CACNA2D1: variants seen among roughly 807,000 people sequenced by gnomAD.
CACNA2D1 encodes the protein voltage-dependent calcium channel subunit alpha-2/delta-1.
A neutral mutation model predicts 171.5 loss-of-function variants in CACNA2D1; 53 were observed. The ratio of observed to expected loss-of-function variants is 0.31; its 90% CI spans 0.25 to 0.39. The LOEUF (loss-of-function observed/expected upper bound fraction) is 0.39. Ranked by LOEUF, CACNA2D1 falls within the 10% of genes least tolerant of loss-of-function variation. The pLI is 1.00. For synonymous variants in CACNA2D1, 442 were observed against 443.1 expected, an observed-to-expected ratio of 1.00 and a Z score of 0.03; for missense variants, 903 against 1,299.8, an observed-to-expected ratio of 0.69 and a Z score of 4.69.
chr7:82,133,519 G>A (rs1013825590), intron 5 of CACNA2D1, among the ~76,000 whole-genome samples: 5 of 152,066 alleles, frequency 3.3e-5, no homozygotes, highest in South Asian at 4.1e-4. Flanking sequence ...AAGTGATATC[G>A]CACTATGTAT....
chr7:82,019,522 A>G (rs1158473548), intron 12 of CACNA2D1, among the ~76,000 whole-genome samples: 2 of 152,176 alleles, frequency 1.3e-5, no homozygotes, highest in Admixed American at 6.5e-5. Flanking sequence ...GGCTATTTAC[A>G]ATGTATTACT....
At chr7:82,237,703 A>C (rs1278187995) in intron 3 of CACNA2D1, among the ~76,000 whole-genome samples, 1 of 152,000 alleles carries the variant, frequency 6.6e-6, no homozygotes, top group Admixed American at 6.6e-5. Context: ...TCAATATGCT[A>C]TAACCTATAA....
intron 27 of CACNA2D1, among the ~76,000 whole-genome samples, chr7:81,970,370 G>T: frequency 6.6e-6 from 1 of 151,330 alleles, no homozygotes; most frequent in East Asian, 1.9e-4. Flanking sequence ...TTGCTGATTG[G>T]TTATAATCAT....
At chr7:82,025,405 T>G (rs10275156) in intron 12 of CACNA2D1, among the ~76,000 whole-genome samples, 5 of 151,482 alleles carry the variant, frequency 3.3e-5, no homozygotes, top group Non-Finnish European at 7.4e-5. Flanking sequence ...GTATTCTTTT[T>G]GGGTCTATTG....
rs562593647 is a variant in CACNA2D1, at chr7:82,328,159, C to G, written c.294+6976G>C. On this transcript the variant is annotated intron_variant, in intron 3 of 38. Transcript: ENST00000356860. The stretch of plus-strand genomic sequence containing the variant: ...TCAAATCCAAATAAATAAAAGTAAT[C>G]TCAATTTTGCAAAACAATTAGTGGA... Among the ~76,000 whole-genome samples, 4 of 152,260 alleles carry G rather than the reference C, an allele frequency of 2.6e-5. No individual in the cohort carries two copies. The East Asian group carries it at 7.7e-4, about 29-fold the overall frequency.
At chr7:82,264,296 T>TC (rs1410830421) in intron 3 of CACNA2D1, among the ~76,000 whole-genome samples, 1 of 152,212 alleles carries the variant, frequency 6.6e-6, no homozygotes, top group Non-Finnish European at 1.5e-5. Context: ...TATTCAATAT[T>TC]AATGAATTAT....
rs1475303405 is a variant in CACNA2D1, at chr7:82,434,889, G to A, written c.95+8476C>T. On this transcript the variant is annotated intron_variant, in intron 1 of 38. Coordinates refer to ENST00000356860, the MANE Select transcript of CACNA2D1 (RefSeq NM_000722.4). ...TTTGACCTCTCCACAAAATGAAACTGTAAATCAAGGCCCTTCTTTTGAAAC... is the reference window on the plus strand; with the variant it reads ...TTTGACCTCTCCACAAAATGAAACTATAAATCAAGGCCCTTCTTTTGAAAC... Among the ~76,000 whole-genome samples, 5 of 151,958 alleles carry A rather than the reference G, an allele frequency of 3.3e-5. No individual in the cohort carries two copies. The East Asian group carries it at 9.7e-4, about 29-fold the overall frequency.
chr7:82,141,034 A>G (rs1279959312), intron 4 of CACNA2D1, among the ~76,000 whole-genome samples: 1 of 151,684 alleles, frequency 6.6e-6, no homozygotes, highest in African/African-American at 2.4e-5. Flanking sequence ...TATTTGGCTC[A>G]GAAACAATTT....
chr7:82,031,543 TTACATTAAA>T (rs1203845166), intron 12 of CACNA2D1, among the ~76,000 whole-genome samples: 2 of 151,932 alleles, frequency 1.3e-5, no homozygotes, highest in Non-Finnish European at 2.9e-5. Context: ...CCCTTAAACC[TTACATTAAA>T]CTGTATGACA....
At chr7:82,438,185 A>G (rs944840967) in intron 1 of CACNA2D1, among the ~76,000 whole-genome samples, 5 of 152,136 alleles carry the variant, frequency 3.3e-5, no homozygotes, top group African/African-American at 1.2e-4. Flanking sequence ...GGTGTTATTA[A>G]GTTAGATTTA....
chr7:82,294,084 T>C (rs1196307015), intron 3 of CACNA2D1, among the ~76,000 whole-genome samples: 1 of 152,156 alleles, frequency 6.6e-6, no homozygotes, highest in African/African-American at 2.4e-5. Flanking sequence ...AATGGGGCAT[T>C]TGAAAGAAAA....
chr7:82,148,541 C>T (rs1793418424), intron 4 of CACNA2D1, among the ~76,000 whole-genome samples: 1 of 152,176 alleles, frequency 6.6e-6, no homozygotes, highest in South Asian at 2.1e-4. Context: ...GGAATAAAGA[C>T]TTTTCATTAT....
chr7:82,431,188 A>AGACCTGC (rs1415395760), intron 1 of CACNA2D1, among the ~76,000 whole-genome samples: 1 of 152,164 alleles, frequency 6.6e-6, no homozygotes, highest in Non-Finnish European at 1.5e-5. Context: ...GACATTTTTA[A>AGACCTGC]GACCTGCTAA....
intron 4 of CACNA2D1, among the ~76,000 whole-genome samples, chr7:82,141,146 A>G (rs1237604334): frequency 6.6e-6 from 1 of 152,080 alleles, no homozygotes; most frequent in Non-Finnish European, 1.5e-5. Flanking sequence ...ATATATATTA[A>G]GATATGTCCA....
intron 3 of CACNA2D1, among the ~76,000 whole-genome samples, chr7:82,204,828 G>A (rs1357397195): frequency 6.6e-6 from 1 of 152,134 alleles, no homozygotes; most frequent in Non-Finnish European, 1.5e-5. Flanking sequence ...GGGGTGGAGT[G>A]TAAGGAAAAT....
At chr7:82,379,552 GA>G (rs1366193873) in intron 1 of CACNA2D1, among the ~76,000 whole-genome samples, 4 of 152,124 alleles carry the variant, frequency 2.6e-5, no homozygotes, top group Non-Finnish European at 4.4e-5. Flanking sequence ...GGACATTTAG[GA>G]AAACGTGGTC....
chr7:82,417,826 A>G (rs907904385), intron 1 of CACNA2D1, among the ~76,000 whole-genome samples: 1 of 152,342 alleles, frequency 6.6e-6, no homozygotes, highest in Admixed American at 6.5e-5. Context: ...GGGGGAGATC[A>G]GTGTGTGAAA....
intron 10 of CACNA2D1, among the ~76,000 whole-genome samples, chr7:82,055,549 G>T (rs914804678): frequency 6.6e-6 from 1 of 151,672 alleles, no homozygotes; most frequent in South Asian, 2.1e-4. Context: ...TTAAGAAAAC[G>T]TGGCACATAT....
At chr7:81,999,181 T>C (rs1798343112) in intron 18 of CACNA2D1, among the ~76,000 whole-genome samples, 1 of 152,154 alleles carries the variant, frequency 6.6e-6, no homozygotes, top group Non-Finnish European at 1.5e-5. Flanking sequence ...CAATCCAGCA[T>C]ACAAAGACAC....
Sources: allele counts gnomAD v4.1 joint callset (sites outside exome capture counted in the v4.1 genomes callset), GRCh38; gene constraint gnomAD v4.1.1; transcripts MANE v1.5; gene names NCBI Gene and HGNC (gene_info 2026-07-23, HGNC 2026-07-21).